The following DOCK8 variants were observed in gnomAD, a reference collection of about 807,000 sequenced individuals.
The protein encoded by DOCK8 is dedicator of cytokinesis protein 8.
A neutral mutation model predicts 245.6 loss-of-function variants in DOCK8; 141 were observed. The ratio of observed to expected loss-of-function variants is 0.57; its 90% CI spans 0.50 to 0.66. The LOEUF is 0.66. Ranked by LOEUF, DOCK8 falls within the 30% of genes least tolerant of loss-of-function variation. DOCK8 has a pLI of 0.00. For synonymous variants in DOCK8, 1,168 were observed against 970.2 expected (o/e 1.20, Z -3.79); for missense variants, 2,965 against 2,603.4 (o/e 1.14, Z -3.02).
In DOCK8 at chr9:419,922, T is replaced by C. The variant is rs149532756; in HGVS notation, c.3841-479T>C. Reference sequence around the variant, plus strand: ...GACCCTTATGTTATACTTTGCACTATGTAACAAAGAAGCTAAATCTTGAAC... The same window carrying C: ...GACCCTTATGTTATACTTTGCACTACGTAACAAAGAAGCTAAATCTTGAAC... On this transcript the variant is annotated intron_variant, in intron 30 of 47. Transcript: ENST00000432829. 1.2e-4 allele frequency among the ~76,000 whole-genome samples: 18 copies of C among 152,374 alleles called. No homozygotes were observed. In the East Asian group the frequency reaches 3.3e-3, roughly 28 times the overall value.
rs1207093284 is a variant in DOCK8, at chr9:334,481, T to C, written c.1285+97T>C. 3.8e-5 allele frequency: 52 copies of C among 1,359,114 alleles called. 1 individual carries two copies. The highest frequency in any genetic ancestry group is 4.8e-5 in the Non-Finnish European group (47 of 985,452). 84.2% of individuals were successfully genotyped at this position (1,359,114 alleles called of 1,614,324 possible). A position where few individuals can be genotyped will look rare whatever the true frequency, so the allele number is the denominator to read the frequency against. On this transcript the variant is annotated intron_variant, in intron 11 of 47. Coordinates refer to ENST00000432829, the MANE Select transcript of DOCK8 (RefSeq NM_203447.4). ...CGGGGACTGGGGGCACAGTGAGGTG[T>C]GGGAAGTGGGGAGGCAGAAGGAGAT...
chr9:239,004 G>C (rs542636790), intron 1 of DOCK8, among the ~76,000 whole-genome samples: 2 of 152,266 alleles, frequency 1.3e-5, no homozygotes, highest in East Asian at 1.9e-4. Flanking sequence ...GTGCATGTTT[G>C]GGATGTCAAG....
intron 26 of DOCK8, among the ~76,000 whole-genome samples, chr9:400,249 A>C (rs1356881703): frequency 2.3e-4 from 20 of 88,426 alleles, no homozygotes; most frequent in Admixed American, 5.7e-4. Context: ...CACCACCTCC[A>C]CCATCACCAC....
chr9:440,935 A>G (rs1424505526), intron 40 of DOCK8, among the ~76,000 whole-genome samples: 1 of 151,990 alleles, frequency 6.6e-6, no homozygotes, highest in African/African-American at 2.4e-5. Flanking sequence ...GGGTCTCCCT[A>G]TGGTGTCTAG....
chr9:261,081 G>A (rs1268279828), intron 1 of DOCK8, among the ~76,000 whole-genome samples: 6 of 143,206 alleles, frequency 4.2e-5, no homozygotes, highest in Non-Finnish European at 6.0e-5. Context: ...GCAAGACTCC[G>A]TCTCAAAAAA....
At chr9:428,308 C>T (rs1367404079) in intron 34 of DOCK8, 54 bp from the exon 35 acceptor site, 2 of 1,612,776 alleles carry the variant, frequency 1.2e-6, no homozygotes, top group African/African-American at 2.7e-5. Flanking sequence ...CAGGAACATC[C>T]AGTTCATTGG....
At chr9:310,606 T>C (rs147496735) in intron 5 of DOCK8, among the ~76,000 whole-genome samples, 176 of 152,290 alleles carry the variant, frequency 1.2e-3, no homozygotes, top group African/African-American at 4.2e-3. Flanking sequence ...TTATAGGCAC[T>C]GGCCACCATG....
At chr9:236,608 T>G (rs2047255060) in intron 1 of DOCK8, among the ~76,000 whole-genome samples, 1 of 152,216 alleles carries the variant, frequency 6.6e-6, no homozygotes, top group Non-Finnish European at 1.5e-5. Flanking sequence ...TCCAGGAGCC[T>G]GGCTTAAAGA....
chr9:402,483 C>T (rs1287348764), intron 26 of DOCK8, among the ~76,000 whole-genome samples: 4 of 152,188 alleles, frequency 2.6e-5, no homozygotes, highest in African/African-American at 4.8e-5. Flanking sequence ...GTGACATCCA[C>T]GGATGTTACT....
intron 4 of DOCK8, among the ~76,000 whole-genome samples, chr9:302,505 T>G (rs971010993): frequency 6.6e-6 from 1 of 152,168 alleles, no homozygotes; most frequent in Non-Finnish European, 1.5e-5. Flanking sequence ...CAAGTGGGAC[T>G]TAATTAAACT....
chr9:301,276 T>C (rs1470553629), intron 4 of DOCK8, among the ~76,000 whole-genome samples: 1 of 152,192 alleles, frequency 6.6e-6, no homozygotes, highest in Non-Finnish European at 1.5e-5. Flanking sequence ...AAAAGGCTTT[T>C]AACAAAATTC....
Position 449,776 on chromosome 9 carries a change from A to C in DOCK8, c.5818-8A>C, listed in dbSNP as rs747706247. The stretch of plus-strand genomic sequence containing the variant: ...AGTGACTTCCCTATGTTTACGTCTC[A>C]TGTTCAGTTTGTTTTGACACCGATT... On this transcript the variant is annotated splice_polypyrimidine_tract_variant and splice_region_variant and intron_variant, in intron 44 of 47. Coordinates refer to ENST00000432829, the MANE Select transcript of DOCK8 (RefSeq NM_203447.4). 4 of 1,612,544 alleles carry C rather than the reference A, an allele frequency of 2.5e-6. No individual in the cohort carries two copies. The Admixed American group carries it at 6.7e-5, about 27-fold the overall frequency.
intron 36 of DOCK8, among the ~76,000 whole-genome samples, chr9:431,900 C>G (rs533859545): frequency 6.6e-6 from 1 of 152,308 alleles, no homozygotes; most frequent in South Asian, 2.1e-4. Context: ...TTCCAGCTTG[C>G]AGCACAAAGG....
chr9:427,082 C>T, intron 34 of DOCK8, 101 bp downstream of exon 34: 2 of 972,276 alleles, frequency 2.1e-6, no homozygotes, highest in South Asian at 2.8e-5. Context: ...AATGTGATCC[C>T]ATAGTACCTT....
intron 3 of DOCK8, among the ~76,000 whole-genome samples, chr9:288,077 T>C (rs2048896680): frequency 6.6e-6 from 1 of 151,942 alleles, no homozygotes; most frequent in South Asian, 2.1e-4. Flanking sequence ...TTTTTGAAAT[T>C]TGATAAGGAA....
At chr9:267,320 C>T (rs1342582955) in intron 1 of DOCK8, among the ~76,000 whole-genome samples, 6 of 152,206 alleles carry the variant, frequency 3.9e-5, no homozygotes, top group Non-Finnish European at 8.8e-5. Context: ...ATCCTCCCAC[C>T]TCAGCCCCCT....
chr9:251,418 G>T (rs2047642389), intron 1 of DOCK8, among the ~76,000 whole-genome samples: 1 of 152,178 alleles, frequency 6.6e-6, no homozygotes, highest in African/African-American at 2.4e-5. Context: ...TTGGAGCCAG[G>T]TTCAAAGTCT....
intron 33 of DOCK8, among the ~76,000 whole-genome samples, chr9:423,348 C>T (rs1019731433): frequency 1.3e-5 from 2 of 152,172 alleles, no homozygotes; most frequent in South Asian, 2.1e-4. Context: ...TTTCCGATAC[C>T]GTTTAGCCAC....
Position 432,167 on chromosome 9 carries a change from A to G in DOCK8, c.4628A>G (p.Asn1543Ser). Reference protein sequence around the residue: ...LMRFSFGATSNFARVKMQVTM... With the variant: ...LMRFSFGATSSFARVKMQVTM... ...TTTTTTTTTTTTTCACTGATGCAGA[A>G]TTTTGCAAGAGTAAAGATGCAAGTA... Residue 1543 changes from asparagine to serine, a missense_variant and splice_region_variant, in exon 37 of 48, where the codon AAT (asparagine) becomes AGT (serine). Physicochemically the swap from Asn to Ser is conservative, Grantham distance 46. Transcript: ENST00000432829. The G allele has an allele frequency of 6.2e-7, 1 of 1,610,328 alleles. No homozygotes were observed. Among genetic ancestry groups the G allele is most frequent in the Non-Finnish European group, 8.5e-7 (1 of 1,178,952 alleles).
Sources: allele counts gnomAD v4.1 joint callset (sites outside exome capture counted in the v4.1 genomes callset), GRCh38; gene constraint gnomAD v4.1.1; transcripts MANE v1.5; gene names NCBI Gene and HGNC (gene_info 2026-07-23, HGNC 2026-07-21).